LRRC4C: variants seen among roughly 807,000 people sequenced by gnomAD.
LRRC4C encodes leucine-rich repeat-containing protein 4C.
A neutral mutation model predicts 33.6 loss-of-function variants in LRRC4C; 5 were observed. The observed-to-expected ratio is 0.15, with a 90% CI of 0.08 to 0.31. The LOEUF is 0.31. Among genes scored for constraint, LRRC4C ranks in the 10% least tolerant of loss-of-function variants. The probability of loss-of-function intolerance (pLI) is 1.00; values close to 1 mark genes in which losing one functional copy is unlikely to be tolerated. For missense variants in LRRC4C, 560 were observed against 796.7 expected (o/e 0.70, Z 3.58); for synonymous variants, 329 against 302.0 (o/e 1.09, Z -0.93).
chr11:40,881,737 T>C (rs899994548), intron 2 of LRRC4C, among the ~76,000 whole-genome samples: 1 of 152,056 alleles, frequency 6.6e-6, no homozygotes, highest in African/African-American at 2.4e-5. Flanking sequence ...ATGTAAAATT[T>C]TAATCACCTC....
At chr11:41,449,345 G>A (rs190874252) in intron 1 of LRRC4C, among the ~76,000 whole-genome samples, 6 of 152,140 alleles carry the variant, frequency 3.9e-5, no homozygotes. Flanking sequence ...ACTCTAGCAG[G>A]CCATCAGGCG....
intron 1 of LRRC4C, among the ~76,000 whole-genome samples, chr11:41,176,104 G>A (rs1441230746): frequency 1.3e-5 from 2 of 152,086 alleles, no homozygotes; most frequent in African/African-American, 4.8e-5. Context: ...AGCAGTGACT[G>A]CATGTGTATA....
At chr11:40,978,518 A>G (rs1379761787) in intron 1 of LRRC4C, among the ~76,000 whole-genome samples, 1 of 152,214 alleles carries the variant, frequency 6.6e-6, no homozygotes, top group Non-Finnish European at 1.5e-5. Flanking sequence ...TACAGTACAT[A>G]GGACAGCCCC....
rs1302356959 is a variant in LRRC4C, at chr11:40,948,334, T to C, written c.-495-14611A>G. 2.6e-5 allele frequency among the ~76,000 whole-genome samples: 4 copies of C among 151,940 alleles called. No individual in the cohort carries two copies. In the East Asian group the frequency reaches 5.8e-4, roughly 22 times the overall value. On this transcript the variant is annotated intron_variant, in intron 1 of 6. Transcript: ENST00000528697. ...ACTAATTATTTCTGTAAGAGGAAAA[T>C]TTTCTTTGTTTTTCTTTATTCATTC...
At chr11:40,145,278 C>T (rs1260653221) in intron 5 of LRRC4C, among the ~76,000 whole-genome samples, 1 of 152,084 alleles carries the variant, frequency 6.6e-6, no homozygotes, top group East Asian at 1.9e-4. Flanking sequence ...CCTCCTAGGT[C>T]AAAAACTGGT....
intron 1 of LRRC4C, among the ~76,000 whole-genome samples, chr11:41,282,657 C>G (rs1949710410): frequency 6.6e-6 from 1 of 152,136 alleles, no homozygotes; most frequent in African/African-American, 2.4e-5. Flanking sequence ...TACTTGATTG[C>G]TGGTTTCTGC....
At chr11:41,237,712 G>A (rs181245887) in intron 1 of LRRC4C, among the ~76,000 whole-genome samples, 3 of 152,250 alleles carry the variant, frequency 2.0e-5, no homozygotes, top group East Asian at 1.9e-4. Flanking sequence ...TGAAGGAAAG[G>A]TGTTAGCCCC....
At chr11:41,066,986 C>T (rs944297325) in intron 1 of LRRC4C, among the ~76,000 whole-genome samples, 5 of 152,118 alleles carry the variant, frequency 3.3e-5, no homozygotes, top group African/African-American at 1.2e-4. Flanking sequence ...AAACCAATGA[C>T]ATGATGAAGA....
intron 2 of LRRC4C, among the ~76,000 whole-genome samples, chr11:40,907,902 A>G (rs896864357): frequency 4.6e-5 from 7 of 152,298 alleles, no homozygotes; most frequent in Admixed American, 4.6e-4. Flanking sequence ...CTTGCAAACT[A>G]TCATGTTCTA....
intron 3 of LRRC4C, among the ~76,000 whole-genome samples, chr11:40,376,828 T>A (rs1450878028): frequency 6.6e-6 from 1 of 151,990 alleles, no homozygotes; most frequent in African/African-American, 2.4e-5. Context: ...TAGCCTGCAA[T>A]AAAAACTTGT....
At chr11:41,229,996 C>G (rs1016438709) in intron 1 of LRRC4C, among the ~76,000 whole-genome samples, 3 of 151,904 alleles carry the variant, frequency 2.0e-5, no homozygotes, top group African/African-American at 7.3e-5. Flanking sequence ...ACCAGATGTC[C>G]TTTTTGCTCT....
intron 1 of LRRC4C, among the ~76,000 whole-genome samples, chr11:41,215,379 T>A (rs1222498959): frequency 6.7e-6 from 1 of 150,026 alleles, no homozygotes; most frequent in African/African-American, 2.5e-5. Flanking sequence ...TCCCAGCTAC[T>A]CGGGAGGCTG....
intron 5 of LRRC4C, among the ~76,000 whole-genome samples, chr11:40,236,283 A>ACAG: frequency 6.6e-6 from 1 of 152,226 alleles, no homozygotes; most frequent in East Asian, 1.9e-4. Flanking sequence ...TCTAAAGAGA[A>ACAG]CAGCAGCTGC....
rs543579357 is a variant in LRRC4C, at chr11:40,999,014, G to T, written c.-495-65291C>A. Among the ~76,000 whole-genome samples the T allele has an allele frequency of 1.2e-4, 18 of 152,172 alleles. No individual in the cohort carries two copies. In the South Asian group the frequency reaches 3.5e-3, roughly 30 times the overall value. On this transcript the variant is annotated intron_variant, in intron 1 of 6. Transcript: ENST00000528697. The stretch of plus-strand genomic sequence containing the variant: ...GTGACTCCAATTCCCCTCTCAGCTG[G>T]CAGGAGTTGCATCAATAAAATCACT...
intron 5 of LRRC4C, among the ~76,000 whole-genome samples, chr11:40,167,690 T>C (rs1201383587): frequency 6.6e-6 from 1 of 152,004 alleles, no homozygotes; most frequent in Non-Finnish European, 1.5e-5. Flanking sequence ...TAGAGCTCTT[T>C]TGATATTGAG....
At chr11:40,954,817 CT>C (rs1461424360) in intron 1 of LRRC4C, among the ~76,000 whole-genome samples, 2 of 151,760 alleles carry the variant, frequency 1.3e-5, no homozygotes, top group Non-Finnish European at 2.9e-5. Context: ...TTAAATATCA[CT>C]GGAGGTAATT....
chr11:40,282,228 C>T (rs1160303123), intron 4 of LRRC4C, among the ~76,000 whole-genome samples: 1 of 152,074 alleles, frequency 6.6e-6, no homozygotes, highest in Non-Finnish European at 1.5e-5. Flanking sequence ...GCCTGTAATC[C>T]CAGTTACTCG....
At chr11:40,990,366 C>T (rs1176495058) in intron 1 of LRRC4C, among the ~76,000 whole-genome samples, 1 of 149,162 alleles carries the variant, frequency 6.7e-6, no homozygotes, top group Non-Finnish European at 1.5e-5. Context: ...AACTATCCTA[C>T]CTATGTGATA....
At chr11:40,945,129 A>G (rs997950646) in intron 1 of LRRC4C, among the ~76,000 whole-genome samples, 50 of 147,622 alleles carry the variant, frequency 3.4e-4, no homozygotes, top group Non-Finnish European at 1.0e-4. Context: ...CCGGGTTCAC[A>G]TGCCATTCTC....
Sources: gnomAD v4.1 joint callset for allele counts (sites outside exome capture counted in the v4.1 genomes callset) on GRCh38, gnomAD v4.1.1 for gene constraint, MANE v1.5 for transcripts, NCBI Gene and HGNC (gene_info 2026-07-23, HGNC 2026-07-21) for gene names.